Variants in USP35 observed in about 807,000 individuals in gnomAD.
USP35 encodes the protein ubiquitin specific peptidase 35.
USP35 carries 69 observed loss-of-function variants against 83.8 expected under a neutral mutation model. The observed-to-expected ratio is 0.82, with a 90% CI of 0.68 to 1.01. The LOEUF (loss-of-function observed/expected upper bound fraction) is 1.01, where lower values mean the gene tolerates loss of function less well. USP35 is among the 50% of genes least tolerant of loss of function. The pLI is 0.00. For missense variants in USP35, 1,503 were observed against 1,362.5 expected (o/e 1.10, Z -1.62); for synonymous variants, 714 against 589.5 (o/e 1.21, Z -3.06).
At chr11:78,201,903 T>TG (rs1247880088) in intron 6 of USP35, among the ~76,000 whole-genome samples, 2 of 152,124 alleles carry the variant, frequency 1.3e-5, no homozygotes, top group Non-Finnish European at 2.9e-5. Context: ...AGGTGGCCCT[T>TG]GCAGAACCTT....
At chr11:78,213,600 A>T in intron 10 of USP35, 46 bp from the exon 11 acceptor site, 1 of 1,436,390 alleles carries the variant, frequency 7.0e-7, no homozygotes. Flanking sequence ...CTCTGGCTTC[A>T]GGGTGTGAAT....
At chr11:78,227,606 G>A in the USP35 span, among the ~76,000 whole-genome samples, 1 of 132,880 alleles carries the variant, frequency 7.5e-6, no homozygotes. Flanking sequence ...ACCAGCCTGG[G>A]AACACAATAA....
chr11:78,202,310 T>C (rs1223527103), intron 6 of USP35, among the ~76,000 whole-genome samples: 3 of 152,198 alleles, frequency 2.0e-5, no homozygotes, highest in African/African-American at 7.2e-5. Context: ...GGAAAAAATA[T>C]GCACATGGTT....
rs1444838505 is a variant in USP35, at chr11:78,199,827, G to A, written c.936+103G>A. 5 of 1,569,696 alleles carry A rather than the reference G, an allele frequency of 3.2e-6. No homozygotes were observed. In the Admixed American group the frequency reaches 6.9e-5, roughly 22 times the overall value. On this transcript the variant is annotated intron_variant, in intron 4 of 10. Coordinates refer to ENST00000529308, the MANE Select transcript of USP35 (RefSeq NM_020798.4). Reference sequence around the variant, plus strand: ...TCAGAGCATTGGGCCTACCCACCAAGCTCGCTGTGTGACCTGGGCGAATTC... The same window carrying A: ...TCAGAGCATTGGGCCTACCCACCAAACTCGCTGTGTGACCTGGGCGAATTC...
intron 1 of USP35, among the ~76,000 whole-genome samples, chr11:78,191,457 G>T (rs1213951512): frequency 6.6e-6 from 1 of 152,220 alleles, no homozygotes; most frequent in African/African-American, 2.4e-5. Flanking sequence ...AGGCTAAGGG[G>T]TGGGCACGTA....
intron 1 of USP35, among the ~76,000 whole-genome samples, 194 bp downstream of exon 1, chr11:78,189,351 T>C (rs1021970453): frequency 1.3e-5 from 2 of 152,150 alleles, no homozygotes; most frequent in Non-Finnish European, 2.9e-5. Context: ...CCTTCATCAA[T>C]TGTATGTCGA....
Position 78,196,918 on chromosome 11 carries a change from G to A in USP35, c.673G>A (p.Glu225Lys). 2.8e-6 allele frequency: 4 copies of A among 1,451,768 alleles called. No individual in the cohort carries two copies. Among genetic ancestry groups the A allele is most frequent in the Non-Finnish European group, 3.6e-6 (4 of 1,105,742 alleles). 89.9% of individuals were successfully genotyped at this position (1,451,768 alleles called of 1,614,324 possible). A position where few individuals can be genotyped will look rare whatever the true frequency, so the allele number is the denominator to read the frequency against. The change falls in exon 2 of 11, where the codon GAG becomes AAG. Residue 225 changes from glutamate to lysine, a missense_variant and splice_region_variant. Glu to Lys is a moderately conservative substitution (Grantham distance 56, BLOSUM62 1). Coordinates refer to ENST00000529308, the MANE Select transcript of USP35 (RefSeq NM_020798.4). This position sits in a 1 kb window ranked among gnomAD's most constrained non-coding sequence, Gnocchi z 4.8. The part of the protein sequence containing the change: ...KELFAVISCA[E>K]EEPPSSALAS... ...GCTGTTCGCAGTCATCTCCTGCGCA[G>A]GTGCGTGTGCGGCCGGGGCAGGAGC...
chr11:78,230,575 C>T, the USP35 span, among the ~76,000 whole-genome samples: 8 of 152,244 alleles, frequency 5.3e-5, no homozygotes, highest in African/African-American at 1.9e-4. Context: ...TGTGTCTTTC[C>T]ACTTCTACCA....
At chr11:78,219,085 G>A (rs1315062169), downstream of USP35, 2 of 585,410 alleles carry the variant, frequency 3.4e-6, no homozygotes, top group Admixed American at 3.1e-5. Context: ...GGGCAGAGGA[G>A]GTGCCTTGAT....
intron 3 of USP35, chr11:78,199,074 A>G (rs936508185): frequency 6.2e-6 from 1 of 161,542 alleles, no homozygotes; most frequent in Non-Finnish European, 1.4e-5. Context: ...GGGCTGATAC[A>G]TGTAAAGTTG....
At chr11:78,236,456 T>C in the USP35 span, among the ~76,000 whole-genome samples, 2 of 152,180 alleles carry the variant, frequency 1.3e-5, no homozygotes, top group African/African-American at 2.4e-5. Flanking sequence ...AGGACTCTTA[T>C]TTATTTTTCT....
chr11:78,225,316 C>A, the USP35 span: 1 of 657,474 alleles, frequency 1.5e-6, no homozygotes, highest in Non-Finnish European at 2.7e-6. Flanking sequence ...AGATACTACT[C>A]TCAACCCCAA....
chr11:78,222,771 C>T, the USP35 span, among the ~76,000 whole-genome samples: 24,262 of 151,962 alleles, frequency 0.16, 2,418 homozygotes, highest in East Asian at 0.4. Flanking sequence ...TTAGTAGAGA[C>T]GGGGTTTCAC....
At chr11:78,236,825 T>C in the USP35 span, among the ~76,000 whole-genome samples, 1 of 152,228 alleles carries the variant, frequency 6.6e-6, no homozygotes, top group African/African-American at 2.4e-5. Context: ...TAAACACTAC[T>C]TTGTCATGAT....
rs1055248 is a variant in USP35, at chr11:78,214,527, T to C, written c.*714T>C. ...TTACTGCAAAGGTGTTCATGTTCCT[T>C]GTGAAGTGTGGGCTCTTAGGAAGCC... On this transcript the variant is annotated 3_prime_UTR_variant, in exon 11 of 11. Coordinates refer to ENST00000529308, the MANE Select transcript of USP35 (RefSeq NM_020798.4). 34,709 of 152,172 alleles carry C rather than the reference T, an allele frequency of 0.23. 4,340 individuals carry two copies. Among genetic ancestry groups the C allele is most frequent in the East Asian group, 0.4 (2,069 of 5,160 alleles). The allele number at this position is 152,172 out of a possible 1,614,324, so 9.4% of individuals were successfully genotyped here.
Position 78,207,583 on chromosome 11 carries a change from C to G in USP35, c.1445C>G (p.Thr482Ser). ...LTENNSQPLMTKLQWLFGFLE... is the reference protein window; with the variant it reads ...LTENNSQPLMSKLQWLFGFLE... The stretch of plus-strand genomic sequence containing the variant: ...GAGAACAACTCACAGCCCCTGATGA[C>G]CAAGCTGCAGTGGCTCTTTGGCTTC... Residue 482 changes from threonine to serine, a missense_variant, in exon 8 of 11, where the codon ACC becomes AGC. By Grantham distance (58) the Thr-to-Ser change is moderately conservative. Coordinates refer to ENST00000529308, the MANE Select transcript of USP35 (RefSeq NM_020798.4). 1 of 1,614,162 alleles carries G rather than the reference C, an allele frequency of 6.2e-7. No homozygotes were observed. The highest frequency in any genetic ancestry group is 8.5e-7 in the Non-Finnish European group (1 of 1,180,020).
chr11:78,194,816 C>T (rs570294146), intron 1 of USP35, among the ~76,000 whole-genome samples: 1 of 152,182 alleles, frequency 6.6e-6, no homozygotes, highest in Non-Finnish European at 1.5e-5. Context: ...CTGTGGTGAA[C>T]AAAACCTGAA....
chr11:78,237,194 G>A, the USP35 span, among the ~76,000 whole-genome samples: 1 of 152,180 alleles, frequency 6.6e-6, no homozygotes, highest in East Asian at 1.9e-4. Context: ...TTGTCCAAGA[G>A]AAATAAAAAC....
chr11:78,206,562 G>A (rs1246634782), intron 7 of USP35, among the ~76,000 whole-genome samples: 1 of 152,204 alleles, frequency 6.6e-6, no homozygotes, highest in Non-Finnish European at 1.5e-5. Context: ...GGAGATTGGA[G>A]CTGATCTCCA....
Sources: gnomAD v4.1 joint callset for allele counts (sites outside exome capture counted in the v4.1 genomes callset) on GRCh38, gnomAD v4.1.1 for gene constraint, Gnocchi (gnomAD v3.1) non-coding constraint, MANE v1.5 for transcripts, NCBI Gene and HGNC (gene_info 2026-07-23, HGNC 2026-07-21) for gene names.